The following CAPZB variants were observed in gnomAD, a reference collection of about 807,000 sequenced individuals.
The protein encoded by CAPZB is capping actin protein of muscle Z-line subunit beta, also known as F-actin-capping protein subunit beta.
CAPZB carries 2 observed loss-of-function variants against 38.1 expected under a neutral mutation model. The observed-to-expected ratio is 0.05, with a 90% confidence interval of 0.02 to 0.17. The LOEUF is 0.17. Ranked by LOEUF, CAPZB falls within the 10% of genes least tolerant of loss-of-function variation. CAPZB has a pLI of 1.00. For synonymous variants in CAPZB, 107 were observed against 127.4 expected, an observed-to-expected ratio of 0.84 and a Z score of 1.08; for missense variants, 161 against 334.2, an observed-to-expected ratio of 0.48 and a Z score of 4.04.
chr1:19,343,852 G>C (rs2093946148), intron 8 of CAPZB, among the ~76,000 whole-genome samples: 1 of 152,224 alleles, frequency 6.6e-6, no homozygotes, highest in Non-Finnish European at 1.5e-5. Context: ...AGAGGCTGGG[G>C]CCCCCTGAGA....
At chr1:19,388,792 T>C (rs74056838) in intron 2 of CAPZB, among the ~76,000 whole-genome samples, 1,996 of 152,310 alleles carry the variant, frequency 0.013, 46 homozygotes, top group African/African-American at 0.045. Flanking sequence ...TCAAACACAG[T>C]AGATGAGCTG....
intron 4 of CAPZB, among the ~76,000 whole-genome samples, chr1:19,370,437 C>T (rs570146865): frequency 4.3e-4 from 65 of 152,332 alleles, no homozygotes; most frequent in African/African-American, 1.4e-3. Context: ...CAGCTTTCAA[C>T]GTCCTGCTCC....
chr1:19,382,128 T>C (rs913725211), intron 3 of CAPZB, among the ~76,000 whole-genome samples: 5 of 152,160 alleles, frequency 3.3e-5, no homozygotes, highest in African/African-American at 9.7e-5. Context: ...GCACCCTGAT[T>C]AGACACAAGA....
rs377760336 is a variant in CAPZB at position 19,378,741 on chromosome 1, A to C, written c.216-88T>G. On this transcript the variant is annotated intron_variant, in intron 3 of 8. Transcript: ENST00000264202. The stretch of plus-strand genomic sequence containing the variant: ...AGGGAGCCTGAGCCCTGGCTATCTG[A>C]AATCTCGGAGGCAAAGCCGCTAACT... 445 of 739,676 alleles carry C rather than the reference A, an allele frequency of 6.0e-4. 4 individuals carry two copies. The African/African-American group carries it at 6.5e-3, about 11-fold the overall frequency. 45.8% of individuals were successfully genotyped at this position (739,676 alleles called of 1,614,324 possible).
chr1:19,475,527 G>A (rs533208052), intron 1 of CAPZB, among the ~76,000 whole-genome samples: 3 of 152,232 alleles, frequency 2.0e-5, no homozygotes, highest in Admixed American at 6.5e-5. Flanking sequence ...GTCCTGAGCA[G>A]CAGAACCGCT....
At position 19,339,353 on chromosome 1, in the gene CAPZB, G is replaced by A. The variant is rs8329; in HGVS notation, c.*177C>T. On this transcript the variant is annotated 3_prime_UTR_variant, in exon 9 of 9. Transcript: ENST00000264202. ...GTGTGGCAGAAGCAGGCTCGGAGCC[G>A]GAGGAGGGTGGCTATCGGCTTTATT... is the stretch of plus-strand genomic sequence containing the variant. 0.034 allele frequency: 22,543 copies of A among 659,662 alleles called. 518 individuals are homozygous for A. Among genetic ancestry groups the A allele is most frequent in the Non-Finnish European group, 0.049 (18,074 of 366,688 alleles). The allele number at this position is 659,662 out of a possible 1,614,324, so 40.9% of individuals were successfully genotyped here.
In CAPZB at chr1:19,378,638, G is replaced by T. The variant is rs775970180; in HGVS notation, c.231C>A (p.Asn77Lys). The T allele has an allele frequency of 6.2e-7, 1 of 1,601,600 alleles. No individual in the cohort carries two copies. Among genetic ancestry groups the T allele is most frequent in the Non-Finnish European group, 8.6e-7 (1 of 1,168,716 alleles). ...DGDSYRSPWS[N>K]KYDPPLEDGA... ...CATCCTCCAAGGGAGGGTCATACTT[G>T]TTACTCCATGGTGACCTGGAGGGAA... is the stretch of plus-strand genomic sequence containing the variant. The change falls in exon 4 of 9, where the codon AAC becomes AAA. Residue 77 changes from asparagine (N) to lysine (K), a missense_variant. Coordinates refer to ENST00000264202, the MANE Select transcript of CAPZB (RefSeq NM_004930.5).
chr1:19,420,777 C>T (rs1036077850), intron 1 of CAPZB, among the ~76,000 whole-genome samples: 2 of 152,152 alleles, frequency 1.3e-5, no homozygotes, highest in African/African-American at 4.8e-5. Context: ...CCATACTCTC[C>T]TCACAGTACA....
At chr1:19,390,014 A>G (rs920544599) in intron 2 of CAPZB, among the ~76,000 whole-genome samples, 1 of 152,232 alleles carries the variant, frequency 6.6e-6, no homozygotes, top group African/African-American at 2.4e-5. Flanking sequence ...GCCTCAGCGC[A>G]GCATCACGCC....
At chr1:19,367,950 A>T (rs1007145073) in intron 4 of CAPZB, among the ~76,000 whole-genome samples, 8 of 152,108 alleles carry the variant, frequency 5.3e-5, no homozygotes, top group African/African-American at 1.7e-4. Flanking sequence ...TGCCCTCTGG[A>T]CTACTTGTGA....
chr1:19,481,353 G>C (rs1242282700), intron 1 of CAPZB, among the ~76,000 whole-genome samples: 3 of 152,180 alleles, frequency 2.0e-5, no homozygotes, highest in African/African-American at 4.8e-5. Context: ...TGGATCTGCT[G>C]CAAGGGGAAA....
At chr1:19,399,706 T>C (rs1305552912) in intron 2 of CAPZB, among the ~76,000 whole-genome samples, 1 of 152,146 alleles carries the variant, frequency 6.6e-6, no homozygotes, top group Non-Finnish European at 1.5e-5. Flanking sequence ...CCTACCACCT[T>C]CTACCTGGTT....
In CAPZB at chr1:19,419,791, A is replaced by G. The variant is rs190413046; in HGVS notation, c.4-41T>C. 3.4e-3 allele frequency: 3,997 copies of G among 1,177,742 alleles called. 13 individuals carry two copies. Among genetic ancestry groups the G allele is most frequent in the Non-Finnish European group, 4.5e-3 (3,665 of 810,282 alleles). 73.0% of individuals were successfully genotyped at this position (1,177,742 alleles called of 1,614,324 possible). ...TACAAGTGCGTCAGTCATTTTTGCC[A>G]GAAGGAATATCAAAAACTCCTTTTA... is the stretch of plus-strand genomic sequence containing the variant. On this transcript the variant is annotated intron_variant, in intron 1 of 8. Coordinates refer to ENST00000264202, the MANE Select transcript of CAPZB (RefSeq NM_004930.5).
At chr1:19,464,020 C>CA (rs35097598) in intron 1 of CAPZB, among the ~76,000 whole-genome samples, 2,860 of 124,596 alleles carry the variant, frequency 0.023, 46 homozygotes, top group Middle Eastern at 0.056. Context: ...ACTAAAAATA[C>CA]AAAAAAAAAA....
intron 1 of CAPZB, among the ~76,000 whole-genome samples, chr1:19,446,421 T>C (rs2094496181): frequency 6.6e-6 from 1 of 152,150 alleles, no homozygotes; most frequent in Admixed American, 6.5e-5. Context: ...GATTATGAAC[T>C]ACATAAAAGG....
rs76761163 is a variant in CAPZB, at chr1:19,476,050, T to C, written c.3+9386A>G. ...AAAACAGGCCAATTTTGGCCAGGCA[T>C]GGTGGCTTCACGCCCATAATCTCAG... On this transcript the variant is annotated intron_variant, in intron 1 of 8. Coordinates refer to ENST00000264202, the MANE Select transcript of CAPZB (RefSeq NM_004930.5). Among the ~76,000 whole-genome samples the C allele has an allele frequency of 1.8e-3, 279 of 152,194 alleles. 1 individual carries two copies. The highest frequency in any genetic ancestry group is 6.3e-3 in the African/African-American group (262 of 41,518).
At chr1:19,421,056 A>G (rs1161435538) in intron 1 of CAPZB, among the ~76,000 whole-genome samples, 7 of 152,216 alleles carry the variant, frequency 4.6e-5, no homozygotes, top group African/African-American at 1.7e-4. Context: ...CAAGTAAGGC[A>G]GATGGAGTCC....
intron 2 of CAPZB, among the ~76,000 whole-genome samples, chr1:19,400,194 C>T (rs2094295545): frequency 6.6e-6 from 1 of 152,032 alleles, no homozygotes; most frequent in Non-Finnish European, 1.5e-5. Flanking sequence ...CTAAAGGGAG[C>T]CCAGTTTTTC....
rs576202605 is a variant in CAPZB at position 19,400,212 on chromosome 1, C to G, written c.94-14586G>C. 4.4e-4 allele frequency among the ~76,000 whole-genome samples: 67 copies of G among 152,164 alleles called. 1 individual carries two copies. The highest frequency in any genetic ancestry group is 1.6e-3 in the African/African-American group (65 of 41,532). ...AAGGGAGCCCAGTTTTTCCCGCTAC[C>G]CATGGCACAGGTCTTCGTCAATTTC... On this transcript the variant is annotated intron_variant, in intron 2 of 8. Coordinates refer to ENST00000264202, the MANE Select transcript of CAPZB (RefSeq NM_004930.5).
Sources: allele counts gnomAD v4.1 joint callset (sites outside exome capture counted in the v4.1 genomes callset), GRCh38; gene constraint gnomAD v4.1.1; transcripts MANE v1.5; gene names NCBI Gene and HGNC (gene_info 2026-07-23, HGNC 2026-07-21).